ITGAE: variants seen among roughly 807,000 people sequenced by gnomAD.
ITGAE encodes integrin subunit alpha E.
In ITGAE, 99 loss-of-function variants were observed where a neutral mutation model predicts 136.5. That is an observed-to-expected ratio of 0.73 (90% CI 0.62 to 0.86). ITGAE has a LOEUF of 0.86. Among genes scored for constraint, ITGAE ranks in the 40% least tolerant of loss-of-function variants. ITGAE has a pLI of 0.00. For synonymous variants in ITGAE, 613 were observed against 591.8 expected (o/e 1.04, Z -0.52); for missense variants, 1,447 against 1,515.3 (o/e 0.95, Z 0.75).
Position 3,719,252 on chromosome 17 carries a change from A to AAAAAGAAAAG in ITGAE, c.3333+1045_3333+1054dup, listed in dbSNP as rs1555572871. Among the ~76,000 whole-genome samples, 85 of 130,286 alleles carry AAAAAGAAAAG rather than the reference A, an allele frequency of 6.5e-4. 1 individual carries two copies. Among genetic ancestry groups the AAAAAGAAAAG allele is most frequent in the Non-Finnish European group, 9.5e-4 (61 of 63,968 alleles). The allele number at this position is 130,286 out of a possible 152,430, so 85.5% of individuals were successfully genotyped here. On this transcript the variant is annotated intron_variant, in intron 29 of 30. Coordinates refer to ENST00000263087, the MANE Select transcript of ITGAE (RefSeq NM_002208.5). ...TTCTTCCTCAAAAAAAAAAAAAAAA[A>AAAAAGAAAAG]AAAAGAAAAGAAAAGAAAAAGAAAT...
At chr17:3,745,983 G>C (rs1489629674) in intron 17 of ITGAE, 56 bp from the exon 18 acceptor site, 2 of 1,539,532 alleles carry the variant, frequency 1.3e-6, no homozygotes, top group East Asian at 4.5e-5. Flanking sequence ...GCCGCAGACA[G>C]AAGGCCCCCA....
intron 1 of ITGAE, among the ~76,000 whole-genome samples, chr17:3,786,026 G>A (rs2052787069): frequency 6.6e-6 from 1 of 151,914 alleles, no homozygotes; most frequent in African/African-American, 2.4e-5. Flanking sequence ...AATTAGCCGG[G>A]CGTGGTGGCG....
At chr17:3,760,422 G>T in intron 6 of ITGAE, 135 bp from the exon 7 acceptor site, 15 of 225,482 alleles carry the variant, frequency 6.7e-5, no homozygotes, top group Middle Eastern at 3.4e-3. Context: ...AAGCTCCCAA[G>T]AGGGAAGCTT....
intron 1 of ITGAE, among the ~76,000 whole-genome samples, chr17:3,782,098 A>G (rs1398110553): frequency 6.6e-6 from 1 of 151,636 alleles, no homozygotes; most frequent in African/African-American, 2.4e-5. Flanking sequence ...AATGTGGTGA[A>G]ACACTGTCTC....
intron 23 of ITGAE, 182 bp from the exon 24 acceptor site, chr17:3,729,737 GGCGTGA>G: frequency 1.8e-6 from 1 of 552,964 alleles, no homozygotes; most frequent in Non-Finnish European, 3.4e-6. Context: ...TGGAATTACA[GGCGTGA>G]GCCACCATAC....
At chr17:3,781,321 AT>A (rs929976514) in intron 1 of ITGAE, among the ~76,000 whole-genome samples, 7 of 146,604 alleles carry the variant, frequency 4.8e-5, no homozygotes, top group Non-Finnish European at 9.1e-5. Context: ...TTCCTTCTAT[AT>A]TTTTTTTCTT....
chr17:3,747,992 G>T lies in ITGAE; in HGVS notation c.2085C>A (p.Ile695=), dbSNP rs148453859. The change falls in exon 17 of 31, where the codon ATC becomes ATA. Residue 695 remains isoleucine, a synonymous_variant. Coordinates refer to ENST00000263087, the MANE Select transcript of ITGAE (RefSeq NM_002208.5). ...SMAFTPSALP[I]GFNGVVNVRL... is the part of the protein sequence containing the mutation. ...GGACATTCACGACGCCGTTGAAGCC[G>T]ATGGGCAGTGCGCTGGGGGTGAAGG... The T allele has an allele frequency of 1.9e-6, 3 of 1,613,262 alleles. No individual in the cohort carries two copies. Among genetic ancestry groups the T allele is most frequent in the African/African-American group, 1.3e-5 (1 of 74,906 alleles).
At chr17:3,745,187 G>A (rs911401767) in intron 18 of ITGAE, among the ~76,000 whole-genome samples, 2 of 151,612 alleles carry the variant, frequency 1.3e-5, no homozygotes, top group African/African-American at 4.8e-5. Context: ...TCACTTTTTT[G>A]ATGCCAACTG....
chr17:3,756,169 C>A (rs1174884662), intron 10 of ITGAE, among the ~76,000 whole-genome samples: 1 of 147,448 alleles, frequency 6.8e-6, no homozygotes, highest in African/African-American at 2.5e-5. Context: ...CAGCTCAGTT[C>A]ATCAGAGCTT....
At chr17:3,726,122 TAAC>T (rs1344127507) in intron 26 of ITGAE, 1 of 1,614,132 alleles carries the variant, frequency 6.2e-7, no homozygotes, top group Non-Finnish European at 8.5e-7. Context: ...AGAAGGAGAA[TAAC>T]AACCGCTGGG....
At chr17:3,766,795 TAATAATAATAATAATAATAA>T (rs1252877548) in intron 2 of ITGAE, among the ~76,000 whole-genome samples, 2 of 256 alleles carry the variant, frequency 7.8e-3, no homozygotes, top group African/African-American at 0.048. Context: ...GAGTGCAAAA[TAATAATAATAATAATAATAA>T]TAATAATAAT....
At chr17:3,787,626 G>A (rs1459190550) in intron 1 of ITGAE, among the ~76,000 whole-genome samples, 1 of 151,888 alleles carries the variant, frequency 6.6e-6, no homozygotes, top group Non-Finnish European at 1.5e-5. Context: ...ATGTCTAACC[G>A]TGGAACTTCT....
chr17:3,774,132 C>T (rs1220079225), intron 2 of ITGAE, among the ~76,000 whole-genome samples: 2 of 151,142 alleles, frequency 1.3e-5, no homozygotes, highest in African/African-American at 2.4e-5. Flanking sequence ...GCAAAGCTCC[C>T]GCCCTGCCCA....
Position 3,760,217 on chromosome 17 carries a change from G to A in ITGAE, c.669C>T (p.Asp223=). The change falls in exon 7 of 31, where the codon GAC becomes GAT. Residue 223 remains aspartate, a synonymous_variant. Transcript: ENST00000263087. ...AGTTCCTCATCATGTTGGAGATGAAGTCTTTGGCTCTCTGAAAGTCTGGGG... is the reference window on the plus strand; with the variant it reads ...AGTTCCTCATCATGTTGGAGATGAAATCTTTGGCTCTCTGAAAGTCTGGGG... ...IDPPDFQRAK[D]FISNMMRNFY... 1.2e-6 allele frequency: 2 copies of A among 1,613,916 alleles called. No individual in the cohort carries two copies. The highest frequency in any genetic ancestry group is 1.7e-6 in the Non-Finnish European group (2 of 1,179,860).
intron 1 of ITGAE, among the ~76,000 whole-genome samples, chr17:3,787,880 C>G (rs1364349350): frequency 6.6e-6 from 1 of 151,538 alleles, no homozygotes; most frequent in South Asian, 2.1e-4. Context: ...TAGAGATGGG[C>G]TTTTCGCCAT....
chr17:3,771,827 G>A (rs1056870476), intron 2 of ITGAE, among the ~76,000 whole-genome samples: 7 of 152,108 alleles, frequency 4.6e-5, no homozygotes, highest in Admixed American at 1.3e-4. Flanking sequence ...GTGAGCCCCC[G>A]CGCCCAGCCG....
intron 16 of ITGAE, among the ~76,000 whole-genome samples, chr17:3,748,874 G>A (rs987140467): frequency 2.0e-5 from 3 of 152,176 alleles, no homozygotes; most frequent in Non-Finnish European, 4.4e-5. Context: ...GGGGCGGGAA[G>A]GGCCAGGCCA....
intron 28 of ITGAE, among the ~76,000 whole-genome samples, chr17:3,723,054 G>A (rs1276760913): frequency 6.6e-6 from 1 of 152,196 alleles, no homozygotes; most frequent in East Asian, 1.9e-4. Flanking sequence ...AATAGACGTG[G>A]GGATGTAGGA....
intron 8 of ITGAE, among the ~76,000 whole-genome samples, chr17:3,758,223 A>C (rs1188874284): frequency 1.3e-5 from 2 of 152,174 alleles, no homozygotes; most frequent in Non-Finnish European, 2.9e-5. Context: ...AACCATCACA[A>C]AATCTATCAG....
Sources: gnomAD v4.1 joint callset for allele counts (sites outside exome capture counted in the v4.1 genomes callset) on GRCh38, gnomAD v4.1.1 for gene constraint, MANE v1.5 for transcripts, NCBI Gene and HGNC (gene_info 2026-07-23, HGNC 2026-07-21) for gene names.